Variants in CAMTA1 observed in about 807,000 individuals in gnomAD.
CAMTA1 encodes the protein calmodulin binding transcription activator 1, also known as calmodulin-binding transcription activator 1.
A neutral mutation model predicts 170.9 loss-of-function variants in CAMTA1; 27 were observed. The ratio of observed to expected loss-of-function variants is 0.16; its 90% CI spans 0.12 to 0.22. CAMTA1 has a LOEUF of 0.22. CAMTA1 is among the 10% of genes least tolerant of loss of function. The probability of loss-of-function intolerance (pLI) is 1.00; values close to 1 mark genes in which losing one functional copy is unlikely to be tolerated. For missense variants in CAMTA1, 1,619 were observed against 2,217.2 expected (o/e 0.73, Z 5.42); for synonymous variants, 833 against 891.5 (o/e 0.93, Z 1.17).
At chr1:7,309,462 G>A (rs1676124910) in intron 5 of CAMTA1, among the ~76,000 whole-genome samples, 1 of 151,482 alleles carries the variant, frequency 6.6e-6, no homozygotes, top group East Asian at 1.9e-4. Context: ...ACTACGCCCG[G>A]CTAATTTTTT....
chr1:6,988,682 G>A (rs1045863798), intron 3 of CAMTA1, among the ~76,000 whole-genome samples: 3 of 151,998 alleles, frequency 2.0e-5, no homozygotes, highest in African/African-American at 4.8e-5. Flanking sequence ...ATTCTGTGAA[G>A]AGTACTTGGA....
intron 3 of CAMTA1, among the ~76,000 whole-genome samples, chr1:6,830,346 G>GTT (rs1175901382): frequency 5.5e-5 from 6 of 109,084 alleles, no homozygotes; most frequent in Non-Finnish European, 7.8e-5. Context: ...ACCTGGCCTT[G>GTT]TTTTTTTTTT....
At chr1:6,864,690 C>T (rs571420452) in intron 3 of CAMTA1, among the ~76,000 whole-genome samples, 47 of 152,294 alleles carry the variant, frequency 3.1e-4, no homozygotes, top group Admixed American at 6.5e-4. Flanking sequence ...TCCCTTGGGA[C>T]CCCAGCTTAC....
chr1:7,062,934 A>G (rs534179063), intron 3 of CAMTA1, among the ~76,000 whole-genome samples: 15 of 152,294 alleles, frequency 9.8e-5, no homozygotes, highest in Middle Eastern at 3.4e-3. Flanking sequence ...AGAGACGTCA[A>G]TCACATTGGA....
chr1:7,069,121 C>A (rs1486275734), intron 3 of CAMTA1, among the ~76,000 whole-genome samples: 2 of 152,174 alleles, frequency 1.3e-5, no homozygotes, highest in Non-Finnish European at 2.9e-5. Context: ...CCATTTCCGG[C>A]CATGTCTTTA....
At chr1:7,048,741 G>T (rs1259546047) in intron 3 of CAMTA1, among the ~76,000 whole-genome samples, 1 of 152,218 alleles carries the variant, frequency 6.6e-6, no homozygotes, top group Non-Finnish European at 1.5e-5. Context: ...TTGTCGCTTG[G>T]GAGCTGCAGC....
chr1:7,333,489 C>T lies in CAMTA1; in HGVS notation c.438+83863C>T, dbSNP rs368507705. On this transcript the variant is annotated intron_variant, in intron 5 of 22. Transcript: ENST00000303635. The surrounding 1 kb of genome is among the most constrained non-coding windows in gnomAD (Gnocchi z 4.4). ...ATTCCCTTTGCACTGGGAGATTTCC[C>T]GGCAGAGGTCCTACATTTCGGCAGT... 4.3e-4 allele frequency among the ~76,000 whole-genome samples: 65 copies of T among 152,278 alleles called. No homozygotes were observed. Among genetic ancestry groups the T allele is most frequent in the African/African-American group, 1.5e-3 (61 of 41,570 alleles).
chr1:7,575,915 G>A (rs763958167), intron 6 of CAMTA1, among the ~76,000 whole-genome samples: 16 of 152,304 alleles, frequency 1.1e-4, no homozygotes, highest in South Asian at 4.2e-4. Context: ...CCCTGGAGAC[G>A]TCAGGGAGGG....
At chr1:7,318,061 G>C (rs1677800455) in intron 5 of CAMTA1, among the ~76,000 whole-genome samples, 1 of 152,222 alleles carries the variant, frequency 6.6e-6, no homozygotes, top group African/African-American at 2.4e-5. Context: ...TGAAAGAAAG[G>C]GGGTGGGGGA....
chr1:7,630,850 G>A (rs1205659478), intron 6 of CAMTA1, among the ~76,000 whole-genome samples: 1 of 152,252 alleles, frequency 6.6e-6, no homozygotes, highest in African/African-American at 2.4e-5. Context: ...CGCAGTGGGA[G>A]ATCCCTGGGC....
chr1:7,040,455 A>T (rs1486196828), intron 3 of CAMTA1, among the ~76,000 whole-genome samples: 2 of 152,196 alleles, frequency 1.3e-5, no homozygotes, highest in Non-Finnish European at 2.9e-5. Flanking sequence ...AAATTGTCTT[A>T]AATGTGCTTA....
At chr1:6,872,292 C>A (rs1419751271) in intron 3 of CAMTA1, among the ~76,000 whole-genome samples, 1 of 151,180 alleles carries the variant, frequency 6.6e-6, no homozygotes, top group Non-Finnish European at 1.5e-5. Flanking sequence ...AGTAACTTAT[C>A]TTTCTTTCAG....
intron 4 of CAMTA1, among the ~76,000 whole-genome samples, chr1:7,099,801 C>A (rs1458001535): frequency 6.6e-6 from 1 of 152,184 alleles, no homozygotes; most frequent in East Asian, 1.9e-4. Flanking sequence ...GGTCTGGGAG[C>A]CAAGCAGGGC....
chr1:7,374,441 C>T (rs186465835), intron 5 of CAMTA1, among the ~76,000 whole-genome samples: 147 of 152,360 alleles, frequency 9.6e-4, no homozygotes, highest in African/African-American at 3.4e-3. Flanking sequence ...GCCCAGCCTG[C>T]TGCTTAGCAG....
Position 7,103,825 on chromosome 1 carries a change from C to A in CAMTA1, c.302+12454C>A, listed in dbSNP as rs941975137. ...ACATATACATACAACTACACACATGCACACACAACTACACACATGTACACA... is the reference window on the plus strand; with the variant it reads ...ACATATACATACAACTACACACATGAACACACAACTACACACATGTACACA... On this transcript the variant is annotated intron_variant, in intron 4 of 22. Coordinates refer to ENST00000303635, the MANE Select transcript of CAMTA1 (RefSeq NM_015215.4). 5.2e-5 allele frequency among the ~76,000 whole-genome samples: 5 copies of A among 96,610 alleles called. No individual in the cohort carries two copies. The Middle Eastern group carries it at 0.015, about 281-fold the overall frequency. 63.4% of individuals were successfully genotyped at this position (96,610 alleles called of 152,430 possible). A position where few individuals can be genotyped will look rare whatever the true frequency, so the allele number is the denominator to read the frequency against.
chr1:7,256,377 G>A (rs1667366650), intron 5 of CAMTA1, among the ~76,000 whole-genome samples: 1 of 152,094 alleles, frequency 6.6e-6, no homozygotes, highest in African/African-American at 2.4e-5. Context: ...GGCTAACATG[G>A]TGAAACCCCG....
chr1:6,802,621 C>T (rs914639665), intron 1 of CAMTA1, among the ~76,000 whole-genome samples: 6 of 152,154 alleles, frequency 3.9e-5, no homozygotes, highest in South Asian at 2.1e-4. Context: ...AGAAAGTGTT[C>T]AGTGTAGCTA....
At chr1:7,505,754 G>A (rs563583237) in intron 6 of CAMTA1, among the ~76,000 whole-genome samples, 151 of 152,312 alleles carry the variant, frequency 9.9e-4, no homozygotes, top group Middle Eastern at 6.8e-3. Context: ...ACCACAGTCC[G>A]CTGAGCAGGG....
At chr1:7,761,062 A>T (rs141786038) in intron 22 of CAMTA1, among the ~76,000 whole-genome samples, 116 of 152,318 alleles carry the variant, frequency 7.6e-4, no homozygotes, top group African/African-American at 2.7e-3. Flanking sequence ...GTTGCTTACG[A>T]CATCACTTCA....
Sources: gnomAD v4.1 joint callset for allele counts (sites outside exome capture counted in the v4.1 genomes callset) on GRCh38, gnomAD v4.1.1 for gene constraint, Gnocchi (gnomAD v3.1) non-coding constraint, MANE v1.5 for transcripts, NCBI Gene and HGNC (gene_info 2026-07-23, HGNC 2026-07-21) for gene names.